The following TTLL11 variants were observed in gnomAD, a reference collection of about 807,000 sequenced individuals.
The protein encoded by TTLL11 is tubulin polyglutamylase TTLL11.
A neutral mutation model predicts 51.7 loss-of-function variants in TTLL11; 42 were observed. The ratio of observed to expected loss-of-function variants is 0.81; its 90% CI spans 0.64 to 1.05. TTLL11 has a LOEUF of 1.05. Ranked by LOEUF, TTLL11 falls within the 50% of genes least tolerant of loss-of-function variation. The pLI is 0.00. For synonymous variants in TTLL11, 381 were observed against 383.5 expected (o/e 0.99, Z 0.08); for missense variants, 799 against 940.4 (o/e 0.85, Z 1.97).
intron 6 of TTLL11, among the ~76,000 whole-genome samples, chr9:121,872,972 T>C (rs1360438267): frequency 6.6e-6 from 1 of 152,140 alleles, no homozygotes; most frequent in African/African-American, 2.4e-5. Flanking sequence ...TGAAATGAAA[T>C]GTTTTCCCAT....
intron 1 of TTLL11, among the ~76,000 whole-genome samples, chr9:122,042,577 A>G (rs916359014): frequency 5.9e-5 from 9 of 152,218 alleles, no homozygotes; most frequent in Non-Finnish European, 1.0e-4. Flanking sequence ...CTCGGTATTT[A>G]TCCAAATGGG....
intron 6 of TTLL11, among the ~76,000 whole-genome samples, chr9:121,887,908 C>G (rs1267762778): frequency 6.6e-6 from 1 of 152,094 alleles, no homozygotes; most frequent in East Asian, 1.9e-4. Context: ...CTGGGGGCCC[C>G]CAGGCAACCC....
intron 6 of TTLL11, among the ~76,000 whole-genome samples, chr9:121,946,684 G>C (rs1841681632): frequency 6.6e-6 from 1 of 152,232 alleles, no homozygotes; most frequent in Admixed American, 6.5e-5. Flanking sequence ...GTCAGGACCA[G>C]TGGTCCTCAA....
In TTLL11 at chr9:121,974,895, G is replaced by A. The variant is rs1285371104; in HGVS notation, c.1354C>T (p.His452Tyr). 1 of 1,545,790 alleles carries A rather than the reference G, an allele frequency of 6.5e-7. No homozygotes were observed. The highest frequency in any genetic ancestry group is 1.4e-5 in the African/African-American group (1 of 72,706). The change falls in exon 5 of 9, where the codon CAT becomes TAT. Residue 452 changes from histidine (H) to tyrosine (Y), a missense_variant. Coordinates refer to ENST00000321582, the MANE Select transcript of TTLL11 (RefSeq NM_001139442.2). Reference protein sequence around the residue: ...VNANPSMRIEHEHELSPGVFE... With the variant: ...VNANPSMRIEYEHELSPGVFE... The stretch of plus-strand genomic sequence containing the variant: ...CTCAAAATACTTACTTCGTGCTCAT[G>A]TTCGATTCTCATACTGGGATTTGCA...
At chr9:121,824,436 A>G (rs1287723650) in intron 8 of TTLL11, among the ~76,000 whole-genome samples, 3 of 147,482 alleles carry the variant, frequency 2.0e-5, no homozygotes, top group African/African-American at 7.5e-5. Flanking sequence ...AGATCACGCC[A>G]CTGCACTCCA....
intron 6 of TTLL11, among the ~76,000 whole-genome samples, chr9:121,917,641 GAGGGAAGGA>G (rs1165559088): frequency 7.1e-6 from 1 of 141,154 alleles, no homozygotes; most frequent in Non-Finnish European, 1.5e-5. Context: ...GGAGGGAAGG[GAGGGAAGGA>G]AGGGAAGGAA....
chr9:121,859,380 A>G (rs2131378732), intron 8 of TTLL11, among the ~76,000 whole-genome samples: 1 of 151,768 alleles, frequency 6.6e-6, no homozygotes, highest in East Asian at 1.9e-4. Flanking sequence ...TTGCACCTGT[A>G]ATCCCAGATA....
At chr9:122,075,231 C>G (rs1652125517) in intron 1 of TTLL11, among the ~76,000 whole-genome samples, 1 of 152,164 alleles carries the variant, frequency 6.6e-6, no homozygotes, top group African/African-American at 2.4e-5. Context: ...GGAATGGGTC[C>G]CTTTTTCTAA....
At chr9:121,873,715 G>A (rs1838450858) in intron 6 of TTLL11, among the ~76,000 whole-genome samples, 1 of 151,738 alleles carries the variant, frequency 6.6e-6, no homozygotes, top group Non-Finnish European at 1.5e-5. Context: ...CTGGAGTGCA[G>A]TGGTACAACC....
intron 1 of TTLL11, among the ~76,000 whole-genome samples, chr9:122,086,331 T>C (rs1393112157): frequency 6.6e-6 from 1 of 152,190 alleles, no homozygotes; most frequent in Non-Finnish European, 1.5e-5. Flanking sequence ...TTATGACAAG[T>C]TTAACTTGCA....
At chr9:121,843,858 A>G (rs1837433304) in intron 8 of TTLL11, among the ~76,000 whole-genome samples, 1 of 152,018 alleles carries the variant, frequency 6.6e-6, no homozygotes, top group African/African-American at 2.4e-5. Context: ...TTTTTTGTAG[A>G]GACAGGTGTC....
At chr9:122,020,720 C>T (rs1844147466) in intron 3 of TTLL11, among the ~76,000 whole-genome samples, 1 of 152,208 alleles carries the variant, frequency 6.6e-6, no homozygotes, top group Admixed American at 6.5e-5. Context: ...GTGGACCCCA[C>T]ACGATGGGAC....
In TTLL11 at chr9:122,063,853, G is replaced by A. The variant is rs149828717; in HGVS notation, c.463-24485C>T. The stretch of plus-strand genomic sequence containing the variant: ...CAGCTGGTCACCCTAGCAATGGGGC[G>A]GCCTCCTTTTGCCAATGTATGGAAG... On this transcript the variant is annotated intron_variant, in intron 1 of 8. Transcript: ENST00000321582. Among the ~76,000 whole-genome samples the A allele has an allele frequency of 8.6e-3, 1,314 of 152,278 alleles. 5 individuals carry two copies. The highest frequency in any genetic ancestry group is 0.028 in the South Asian group (134 of 4,826).
Position 121,822,724 on chromosome 9 carries a change from C to G in TTLL11, c.1996G>C (p.Val666Leu). 1 of 1,551,054 alleles carries G rather than the reference C, an allele frequency of 6.4e-7. No homozygotes were observed. The highest frequency in any genetic ancestry group is 8.7e-7 in the Non-Finnish European group (1 of 1,146,904). Residue 666 changes from valine to leucine, a missense_variant, in exon 9 of 9, where the codon GTC becomes CTC. Transcript: ENST00000321582. This position sits in a 1 kb window ranked among gnomAD's most constrained non-coding sequence, Gnocchi z 5.8. ...TGTGGGGGCCGGCCCCCCGACGGGA[C>G]GCCCCGGCCACACACCAGGCGTTTT... ...DEKRLVCGRG[V>L]PSGGRPPHRG...
In TTLL11 at chr9:121,844,740, C is replaced by T. The variant is rs951798358; in HGVS notation, c.1840+15597G>A. Among the ~76,000 whole-genome samples the T allele has an allele frequency of 2.6e-5, 4 of 151,910 alleles. No individual in the cohort carries two copies. In the South Asian group the frequency reaches 8.3e-4, roughly 32 times the overall value. On this transcript the variant is annotated intron_variant, in intron 8 of 8. Transcript: ENST00000321582. ...AGAAATGAAGAAGGCTCTCAATGGG[C>T]CCATCAGCAGATTGGATACAGTCAA...
chr9:121,988,452 C>T (rs1026643101), intron 4 of TTLL11, among the ~76,000 whole-genome samples: 2 of 151,968 alleles, frequency 1.3e-5, no homozygotes, highest in Non-Finnish European at 2.9e-5. Flanking sequence ...GCCTTAAACC[C>T]CACCCAGCAA....
intron 1 of TTLL11, among the ~76,000 whole-genome samples, chr9:122,065,483 A>G (rs1311595669): frequency 1.3e-5 from 2 of 152,170 alleles, no homozygotes; most frequent in Non-Finnish European, 1.5e-5. Flanking sequence ...TGATTCCCAC[A>G]CCAGGAGGCT....
chr9:121,841,609 T>C (rs551853286), intron 8 of TTLL11, among the ~76,000 whole-genome samples: 1 of 152,216 alleles, frequency 6.6e-6, no homozygotes, highest in Non-Finnish European at 1.5e-5. Flanking sequence ...CCTCCCGGGC[T>C]GAGGACACAT....
At chr9:121,924,264 A>G (rs1273268419) in intron 6 of TTLL11, among the ~76,000 whole-genome samples, 3 of 152,166 alleles carry the variant, frequency 2.0e-5, no homozygotes, top group Admixed American at 2.0e-4. Flanking sequence ...TGCATGGCCC[A>G]TTGTAGGTGC....
Sources: gnomAD v4.1 joint callset for allele counts (sites outside exome capture counted in the v4.1 genomes callset) on GRCh38, gnomAD v4.1.1 for gene constraint, Gnocchi (gnomAD v3.1) non-coding constraint, MANE v1.5 for transcripts, NCBI Gene and HGNC (gene_info 2026-07-23, HGNC 2026-07-21) for gene names.